Variants in CNTN1 observed in about 807,000 individuals in gnomAD.
The protein encoded by CNTN1 is contactin 1.
Under a neutral mutation model 126.4 loss-of-function variants are expected in CNTN1, and 38 were observed. That is an observed-to-expected ratio of 0.30 (90% confidence interval 0.23 to 0.39). CNTN1 has a LOEUF of 0.39. Among genes scored for constraint, CNTN1 ranks in the 10% least tolerant of loss-of-function variants. The pLI is 1.00. For synonymous variants in CNTN1, 413 were observed against 422.6 expected (o/e 0.98, Z 0.28); for missense variants, 1,009 against 1,248.4 (o/e 0.81, Z 2.89).
At chr12:41,027,721 T>C in intron 21 of CNTN1, 136 bp from the exon 22 acceptor site, 2 of 703,304 alleles carry the variant, frequency 2.8e-6, no homozygotes, top group South Asian at 3.0e-5. Context: ...GCATAGTGCC[T>C]GGCATATAGT....
intron 1 of CNTN1, among the ~76,000 whole-genome samples, chr12:40,753,044 T>G (rs1029525640): frequency 2.6e-5 from 4 of 152,254 alleles, no homozygotes; most frequent in Middle Eastern, 6.8e-3. Flanking sequence ...CATATGGTAG[T>G]GGTAGTTATG....
At chr12:41,007,258 C>T (rs1181726839) in intron 17 of CNTN1, among the ~76,000 whole-genome samples, 4 of 151,670 alleles carry the variant, frequency 2.6e-5, no homozygotes, top group Non-Finnish European at 5.9e-5. Flanking sequence ...GACGGGGTTT[C>T]ACCGTTTTAG....
intron 17 of CNTN1, 62 bp from the exon 18 acceptor site, chr12:41,014,166 A>G: frequency 6.6e-7 from 1 of 1,504,922 alleles, no homozygotes; most frequent in Non-Finnish European, 9.2e-7. Flanking sequence ...TTCTAACACC[A>G]GGAAAAAAAT....
At chr12:41,056,399 C>T (rs1949802054) in intron 23 of CNTN1, among the ~76,000 whole-genome samples, 1 of 152,114 alleles carries the variant, frequency 6.6e-6, no homozygotes, top group South Asian at 2.1e-4. Flanking sequence ...AAAGCATGTG[C>T]TCTTAATCTG....
chr12:40,829,750 T>C (rs900042718), intron 1 of CNTN1, among the ~76,000 whole-genome samples: 1 of 152,114 alleles, frequency 6.6e-6, no homozygotes, highest in African/African-American at 2.4e-5. Context: ...GAAGGAGATA[T>C]TACTACCTAT....
At chr12:40,974,497 T>C (rs954292239) in intron 15 of CNTN1, among the ~76,000 whole-genome samples, 1 of 152,142 alleles carries the variant, frequency 6.6e-6, no homozygotes. Context: ...GTTACAGTTT[T>C]TGTCATATTT....
At chr12:40,964,588 G>GA (rs1217083762) in intron 15 of CNTN1, among the ~76,000 whole-genome samples, 1 of 148,408 alleles carries the variant, frequency 6.7e-6, no homozygotes, top group Admixed American at 6.8e-5. Context: ...TATTTCTAAG[G>GA]AAAAAATACA....
chr12:40,829,043 A>G (rs1244513038), intron 1 of CNTN1, among the ~76,000 whole-genome samples: 1 of 152,206 alleles, frequency 6.6e-6, no homozygotes. Context: ...AAATTTACAA[A>G]AACTCTGTAA....
chr12:40,988,444 G>T (rs1400134927), intron 16 of CNTN1, among the ~76,000 whole-genome samples: 2 of 152,086 alleles, frequency 1.3e-5, no homozygotes, highest in Admixed American at 1.3e-4. Context: ...GACACAATCT[G>T]TTTTTTAGTC....
intron 1 of CNTN1, among the ~76,000 whole-genome samples, chr12:40,751,795 A>G (rs1354732899): frequency 1.3e-5 from 2 of 152,096 alleles, no homozygotes; most frequent in African/African-American, 4.8e-5. Flanking sequence ...AGTAGCGATA[A>G]CATCTACCTA....
intron 1 of CNTN1, among the ~76,000 whole-genome samples, chr12:40,759,501 T>A (rs1198200185): frequency 6.8e-6 from 1 of 147,000 alleles, no homozygotes; most frequent in African/African-American, 2.5e-5. Context: ...GGTCTCACTC[T>A]GTCACCTAGG....
intron 1 of CNTN1, among the ~76,000 whole-genome samples, chr12:40,723,757 T>C (rs1180633159): frequency 6.6e-6 from 1 of 152,196 alleles, no homozygotes; most frequent in Admixed American, 6.5e-5. Flanking sequence ...TCCAACATAT[T>C]TCTGCTAGAT....
At chr12:40,957,469 C>A (rs1946930691) in intron 14 of CNTN1, among the ~76,000 whole-genome samples, 1 of 149,922 alleles carries the variant, frequency 6.7e-6, no homozygotes, top group African/African-American at 2.5e-5. Context: ...TTTGATATAA[C>A]CAGTTCCAGC....
At chr12:40,707,075 CA>C (rs1565626090) in intron 1 of CNTN1, among the ~76,000 whole-genome samples, 5,334 of 150,610 alleles carry the variant, frequency 0.035, 124 homozygotes, top group Middle Eastern at 0.059. Context: ...CACACACACA[CA>C]CACACACACA....
chr12:41,069,447 T>C (rs1950118310), intron 23 of CNTN1, among the ~76,000 whole-genome samples: 7 of 152,114 alleles, frequency 4.6e-5, no homozygotes, highest in Admixed American at 4.6e-4. Flanking sequence ...CATTTTATTA[T>C]TATTATACTT....
At chr12:40,897,511 T>C (rs1416376342) in intron 1 of CNTN1, among the ~76,000 whole-genome samples, 2 of 152,210 alleles carry the variant, frequency 1.3e-5, no homozygotes, top group African/African-American at 4.8e-5. Flanking sequence ...TCAGGGAGAA[T>C]AATTAAAGAT....
At chr12:41,008,810 G>T (rs1353760725) in intron 17 of CNTN1, among the ~76,000 whole-genome samples, 1 of 152,074 alleles carries the variant, frequency 6.6e-6, no homozygotes, top group East Asian at 1.9e-4. Context: ...TCTCATACAA[G>T]ATCCCTTCTT....
intron 23 of CNTN1, among the ~76,000 whole-genome samples, chr12:41,034,829 G>A (rs772535307): frequency 5.3e-5 from 8 of 152,150 alleles, no homozygotes; most frequent in Non-Finnish European, 1.2e-4. Context: ...CATGAAGTTG[G>A]AAGATAAATT....
At chr12:41,014,531 G>T (rs1240673124) in intron 18 of CNTN1, among the ~76,000 whole-genome samples, 4 of 152,168 alleles carry the variant, frequency 2.6e-5, no homozygotes, top group Non-Finnish European at 4.4e-5. Flanking sequence ...TGTTAGCCTA[G>T]ATGATTAAAC....
Sources: gnomAD v4.1 joint callset for allele counts (sites outside exome capture counted in the v4.1 genomes callset) on GRCh38, gnomAD v4.1.1 for gene constraint, MANE v1.5 for transcripts, NCBI Gene and HGNC (gene_info 2026-07-23, HGNC 2026-07-21) for gene names.